ADD3: variants seen among roughly 807,000 people sequenced by gnomAD.
ADD3 encodes the protein adducin 3, also known as gamma-adducin.
ADD3 carries 25 observed loss-of-function variants against 80.2 expected under a neutral mutation model. The ratio of observed to expected loss-of-function variants is 0.31; its 90% CI spans 0.23 to 0.44. The LOEUF (loss-of-function observed/expected upper bound fraction) is 0.44. Among genes scored for constraint, ADD3 ranks in the 20% least tolerant of loss-of-function variants. ADD3 has a pLI of 1.00. For missense variants in ADD3, 829 were observed against 847.5 expected (o/e 0.98, Z 0.27); for synonymous variants, 284 against 289.6 (o/e 0.98, Z 0.20).
intron 1 of ADD3, among the ~76,000 whole-genome samples, chr10:110,097,233 G>A (rs771670337): frequency 3.3e-5 from 5 of 152,092 alleles, no homozygotes; most frequent in Non-Finnish European, 4.4e-5. Flanking sequence ...TAATAGCTCA[G>A]GTATTGTTTG....
intron 1 of ADD3, among the ~76,000 whole-genome samples, chr10:110,054,288 G>A (rs540767364): frequency 6.6e-6 from 1 of 152,218 alleles, no homozygotes; most frequent in Non-Finnish European, 1.5e-5. Context: ...CCATAAATCT[G>A]AGTCTCAAAA....
At chr10:110,028,661 T>A (rs1854604730) in intron 1 of ADD3, among the ~76,000 whole-genome samples, 1 of 152,354 alleles carries the variant, frequency 6.6e-6, no homozygotes, top group Non-Finnish European at 1.5e-5. Context: ...GGTTGAGATT[T>A]TAATTCAGTA....
At chr10:110,076,252 ATGTT>A (rs1845363090) in intron 1 of ADD3, among the ~76,000 whole-genome samples, 1 of 152,164 alleles carries the variant, frequency 6.6e-6, no homozygotes, top group South Asian at 2.1e-4. Flanking sequence ...TAAGTATCAG[ATGTT>A]TGTTAATAGT....
At chr10:110,018,259 G>A (rs887871077) in intron 1 of ADD3, among the ~76,000 whole-genome samples, 4 of 152,198 alleles carry the variant, frequency 2.6e-5, no homozygotes, top group African/African-American at 9.7e-5. Context: ...GGGTGCAGTG[G>A]CTCAACGCCT....
At position 110,119,518 on chromosome 10, in the gene ADD3, A is replaced by C. The variant is rs1289959885; in HGVS notation, c.914A>C (p.Glu305Ala). The C allele has an allele frequency of 6.2e-7, 1 of 1,613,962 alleles. No homozygotes were observed. The highest frequency in any genetic ancestry group is 8.5e-7 in the Non-Finnish European group (1 of 1,179,994). ...GTTGCACTTGGAGAAACATTAGAGG[A>C]GGCTTTTCATTATATTTTTAATGTG... is the stretch of plus-strand genomic sequence containing the variant. ...GVVALGETLE[E>A]AFHYIFNVQL... The change falls in exon 8 of 15, where the codon GAG becomes GCG. Residue 305 changes from glutamate to alanine, a missense_variant. Physicochemically the swap from Glu to Ala is moderately radical, Grantham distance 107. Transcript: ENST00000356080.
rs779839017 is a variant in ADD3, at chr10:110,125,854, T to A, written c.1430T>A (p.Val477Asp). 1.2e-6 allele frequency: 2 copies of A among 1,607,474 alleles called. No homozygotes were observed. Among genetic ancestry groups the A allele is most frequent in the Non-Finnish European group, 1.7e-6 (2 of 1,175,702 alleles). ...TWMKAEDSSK[V>D]SGGTPIKIED... ...ATGAAAGCAGAAGACTCATCTAAAGTTAGTGGTGGAACACCTATCAAAATT... is the reference window on the plus strand; with the variant it reads ...ATGAAAGCAGAAGACTCATCTAAAGATAGTGGTGGAACACCTATCAAAATT... The change falls in exon 11 of 15, where the codon GTT becomes GAT. Residue 477 changes from valine to aspartate, a missense_variant. Coordinates refer to ENST00000356080, the MANE Select transcript of ADD3 (RefSeq NM_016824.5).
At chr10:110,015,875 A>G (rs978264117) in intron 1 of ADD3, among the ~76,000 whole-genome samples, 16 of 152,350 alleles carry the variant, frequency 1.1e-4, no homozygotes, top group Admixed American at 4.6e-4. Context: ...AAAGGCTGTC[A>G]CTGTTATAGC....
intron 3 of ADD3, among the ~76,000 whole-genome samples, chr10:110,115,420 T>C (rs1417015518): frequency 6.7e-6 from 1 of 148,938 alleles, no homozygotes; most frequent in Non-Finnish European, 1.5e-5. Flanking sequence ...GGCTGGAAAA[T>C]GGGGAGGAGG....
At chr10:110,090,258 C>T (rs920705782) in intron 1 of ADD3, among the ~76,000 whole-genome samples, 6 of 133,624 alleles carry the variant, frequency 4.5e-5, no homozygotes, top group African/African-American at 8.9e-5. Flanking sequence ...CTTGCTCTGT[C>T]GCCCAGGCTG....
Position 110,054,442 on chromosome 10 carries a change from T to C in ADD3, c.-30+46143T>C, listed in dbSNP as rs1298022910. ...CTTGGGAGAAAGCCAGTTTTCTCTT[T>C]TTTTTTTTTTTTTTTTTGAGATGGA... On this transcript the variant is annotated intron_variant, in intron 1 of 14. Transcript: ENST00000356080. Among the ~76,000 whole-genome samples, 7 of 114,066 alleles carry C rather than the reference T, an allele frequency of 6.1e-5. No homozygotes were observed. In the East Asian group the frequency reaches 6.2e-4, roughly 10 times the overall value. 74.8% of individuals were successfully genotyped at this position (114,066 alleles called of 152,430 possible).
chr10:110,119,270 T>G lies in ADD3; in HGVS notation c.777T>G (p.Asp259Glu). 6.2e-7 allele frequency: 1 copy of G among 1,614,184 alleles called. No individual in the cohort carries two copies. Among genetic ancestry groups the G allele is most frequent in the Non-Finnish European group, 8.5e-7 (1 of 1,180,016 alleles). ...PISQESLLLG[D>E]VAYYDYQGSL... is the part of the protein sequence containing the mutation. ...CTCAAGAGTCTCTTCTTCTGGGAGA[T>G]GTTGCCTATTATGACTACCAAGGGT... The change falls in exon 7 of 15, where the codon GAT becomes GAG. Residue 259 changes from aspartate (D) to glutamate (E), a missense_variant. Transcript: ENST00000356080.
chr10:110,093,588 T>A (rs1847812125), intron 1 of ADD3, among the ~76,000 whole-genome samples: 1 of 152,170 alleles, frequency 6.6e-6, no homozygotes, highest in East Asian at 1.9e-4. Flanking sequence ...GCCAACGTAG[T>A]CTCCTTTTCA....
chr10:110,009,916 T>C (rs1477600530), intron 1 of ADD3, among the ~76,000 whole-genome samples: 1 of 152,242 alleles, frequency 6.6e-6, no homozygotes, highest in Non-Finnish European at 1.5e-5. Flanking sequence ...AAATGTTTGG[T>C]GAACATTTGA....
chr10:110,009,622 T>A (rs1182177546), intron 1 of ADD3, among the ~76,000 whole-genome samples: 1 of 152,240 alleles, frequency 6.6e-6, no homozygotes, highest in Non-Finnish European at 1.5e-5. Flanking sequence ...TATATTGTAC[T>A]TGCATTATAA....
chr10:110,110,237 A>G (rs1428051938), intron 2 of ADD3, among the ~76,000 whole-genome samples: 1 of 152,194 alleles, frequency 6.6e-6, no homozygotes, highest in Non-Finnish European at 1.5e-5. Flanking sequence ...ATTCTTCCAG[A>G]ACTTTAGTGA....
intron 2 of ADD3, among the ~76,000 whole-genome samples, chr10:110,110,239 C>A (rs561750654): frequency 6.6e-6 from 1 of 152,294 alleles, no homozygotes; most frequent in South Asian, 2.1e-4. Flanking sequence ...TCTTCCAGAA[C>A]TTTAGTGACT....
intron 1 of ADD3, among the ~76,000 whole-genome samples, chr10:110,097,510 C>G (rs1056562098): frequency 2.6e-5 from 4 of 152,082 alleles, no homozygotes; most frequent in African/African-American, 7.2e-5. Flanking sequence ...TGAAAGAATT[C>G]CTGTTTGTCC....
intron 1 of ADD3, among the ~76,000 whole-genome samples, chr10:110,088,549 A>C (rs552961141): frequency 6.6e-6 from 1 of 152,358 alleles, no homozygotes; most frequent in African/African-American, 2.4e-5. Flanking sequence ...AATGTTCCTT[A>C]GCAGCCAAAA....
chr10:110,014,869 A>G (rs1852759095), intron 1 of ADD3, among the ~76,000 whole-genome samples: 1 of 150,746 alleles, frequency 6.6e-6, no homozygotes, highest in African/African-American at 2.4e-5. Context: ...TCACTTTCCT[A>G]AGGGAAGGTA....
Sources: gnomAD v4.1 joint callset for allele counts (sites outside exome capture counted in the v4.1 genomes callset) on GRCh38, gnomAD v4.1.1 for gene constraint, MANE v1.5 for transcripts, NCBI Gene and HGNC (gene_info 2026-07-23, HGNC 2026-07-21) for gene names.